STOX2: variants seen among roughly 807,000 people sequenced by gnomAD.
The protein encoded by STOX2 is storkhead-box protein 2.
Under a neutral mutation model 60.9 loss-of-function variants are expected in STOX2, and 28 were observed. The ratio of observed to expected loss-of-function variants is 0.46; its 90% CI spans 0.34 to 0.63. STOX2 has a LOEUF of 0.63. Among genes scored for constraint, STOX2 ranks in the 30% least tolerant of loss-of-function variants. The pLI is 0.01. For missense variants in STOX2, 1,024 were observed against 1,187.7 expected (o/e 0.86, Z 2.03); for synonymous variants, 472 against 463.9 (o/e 1.02, Z -0.22).
rs923559455 is a variant in STOX2 at position 183,905,765 on chromosome 4, C to T, written c.-1026C>T. On this transcript the variant is annotated 5_prime_UTR_variant, in exon 1 of 4. Coordinates refer to ENST00000308497, the MANE Select transcript of STOX2 (RefSeq NM_020225.3). Reference sequence around the variant, plus strand: ...AGGCAGCCTGGTGATTAGCATGAGACTGGGCGGCTGTCCTGCTTCCTGCCC... The same window carrying T: ...AGGCAGCCTGGTGATTAGCATGAGATTGGGCGGCTGTCCTGCTTCCTGCCC... 5.3e-5 allele frequency: 8 copies of T among 152,268 alleles called. No homozygotes were observed. Among genetic ancestry groups the T allele is most frequent in the Admixed American group, 4.6e-4 (7 of 15,294 alleles). 9.4% of individuals were successfully genotyped at this position (152,268 alleles called of 1,614,324 possible).
At position 183,805,892 on chromosome 4, in the gene STOX2, A is replaced by T. The variant is rs192266860; in HGVS notation, c.364+7837A>T. 2.2e-3 allele frequency among the ~76,000 whole-genome samples: 340 copies of T among 152,354 alleles called. 4 individuals are homozygous for T. Among genetic ancestry groups the T allele is most frequent in the Admixed American group, 0.016 (248 of 15,304 alleles). ...AAACAGCTCTTGATAGCTTGGCATC[A>T]GTCTCTCTTGATGCGGACCAGTCAG... On this transcript the variant is annotated intron_variant, in intron 1 of 2. Coordinates refer to the STOX2 transcript ENST00000513034.
intron 1 of STOX2, among the ~76,000 whole-genome samples, chr4:183,897,567 A>G (rs1370585772): frequency 6.6e-6 from 1 of 152,228 alleles, no homozygotes; most frequent in East Asian, 1.9e-4. Flanking sequence ...GAAATGAGCA[A>G]CTTTATTCTG....
At chr4:183,854,443 T>C (rs1251755321) in intron 1 of STOX2, among the ~76,000 whole-genome samples, 4 of 152,230 alleles carry the variant, frequency 2.6e-5, no homozygotes, top group Non-Finnish European at 5.9e-5. Context: ...TGTGTTTTAA[T>C]CAGGGCTTAT....
At chr4:183,981,286 A>G (rs1732650162) in intron 1 of STOX2, among the ~76,000 whole-genome samples, 1 of 152,202 alleles carries the variant, frequency 6.6e-6, no homozygotes, top group African/African-American at 2.4e-5. Context: ...TCAGGGTTCT[A>G]TTACAGAGTA....
intron 1 of STOX2, among the ~76,000 whole-genome samples, chr4:183,802,726 C>G (rs949940774): frequency 1.3e-5 from 2 of 152,158 alleles, no homozygotes; most frequent in Non-Finnish European, 2.9e-5. Context: ...CTGCCTCAGC[C>G]TCCCGAGTAG....
intron 1 of STOX2, among the ~76,000 whole-genome samples, chr4:183,943,884 AAAAG>A (rs1414254842): frequency 6.6e-6 from 1 of 152,178 alleles, no homozygotes; most frequent in African/African-American, 2.4e-5. Flanking sequence ...CTCAAAGAAA[AAAAG>A]AAAAACCCCC....
At chr4:183,805,545 C>T (rs1042310306) in intron 1 of STOX2, among the ~76,000 whole-genome samples, 2 of 152,164 alleles carry the variant, frequency 1.3e-5, no homozygotes, top group South Asian at 2.1e-4. Flanking sequence ...TGGTGGCTCA[C>T]GCCTATAATC....
intron 1 of STOX2, among the ~76,000 whole-genome samples, chr4:183,982,315 C>T (rs1324354624): frequency 6.6e-6 from 1 of 152,144 alleles, no homozygotes; most frequent in Non-Finnish European, 1.5e-5. Flanking sequence ...TGTAAGAACA[C>T]CAAGTGTATT....
chr4:183,930,519 GT>G (rs1241173031), intron 1 of STOX2, among the ~76,000 whole-genome samples: 4 of 140,938 alleles, frequency 2.8e-5, no homozygotes, highest in Admixed American at 7.1e-5. Flanking sequence ...TTTGTTTTTT[GT>G]TTTTTTTTTG....
chr4:183,908,103 GCGA>G (rs1456814067), intron 1 of STOX2, among the ~76,000 whole-genome samples: 1 of 152,172 alleles, frequency 6.6e-6, no homozygotes, highest in African/African-American at 2.4e-5. Flanking sequence ...AAAATGCCTT[GCGA>G]CCGCATTTCC....
At chr4:183,875,495 A>C (rs1740809005) in intron 1 of STOX2, among the ~76,000 whole-genome samples, 1 of 152,118 alleles carries the variant, frequency 6.6e-6, no homozygotes, top group South Asian at 2.1e-4. Flanking sequence ...GATAGTCGGG[A>C]CTGTGTTCCC....
At chr4:183,937,449 A>T (rs1275298718) in intron 1 of STOX2, among the ~76,000 whole-genome samples, 1 of 152,078 alleles carries the variant, frequency 6.6e-6, no homozygotes, top group Non-Finnish European at 1.5e-5. Context: ...CCTTTTCTTT[A>T]TTGGATGAGA....
rs1741631186 is a variant in STOX2, at chr4:183,906,853, G to A, written c.63G>A (p.Arg21=). 1 of 1,553,304 alleles carries A rather than the reference G, an allele frequency of 6.4e-7. No individual in the cohort carries two copies. The highest frequency in any genetic ancestry group is 2.5e-5 in the East Asian group (1 of 40,808). The change falls in exon 1 of 4, where the codon CGG becomes CGA. Residue 21 remains arginine, a synonymous_variant. Coordinates refer to ENST00000308497, the MANE Select transcript of STOX2 (RefSeq NM_020225.3). ...GGCCTAGCTCGGATTTCTCGGACCG[G>A]GCCTCGGACCGCATGAGGTCCCGCA... ...RAWPSSDFSD[R]ASDRMRSRSE...
In STOX2 at chr4:184,019,851, G is replaced by A. The variant is rs1272569201; in HGVS notation, c.*2567G>A. ...TGCAAATGTCATTCGAGGTCACGGT[G>A]AGGCTCTCGGTCCCGGAACAGTGGG... On this transcript the variant is annotated 3_prime_UTR_variant, in exon 4 of 4. Transcript: ENST00000308497. 1 of 152,178 alleles carries A rather than the reference G, an allele frequency of 6.6e-6. No homozygotes were observed. The highest frequency in any genetic ancestry group is 1.5e-5 in the Non-Finnish European group (1 of 68,032). 9.4% of individuals were successfully genotyped at this position (152,178 alleles called of 1,614,324 possible).
intron 1 of STOX2, among the ~76,000 whole-genome samples, chr4:183,820,363 TC>T (rs1297168806): frequency 6.6e-6 from 1 of 152,228 alleles, no homozygotes. Flanking sequence ...CCACTCCATG[TC>T]CCTTTCCTCT....
rs138745638 is a variant in STOX2 at position 183,840,053 on chromosome 4, CGT to C, written c.364+42013_364+42014del. On this transcript the variant is annotated intron_variant, in intron 1 of 2. Coordinates refer to the STOX2 transcript ENST00000513034. The stretch of plus-strand genomic sequence containing the variant: ...TTCATGGACTCTGTGTGTGTGTGCG[CGT>C]GTGTGTGTGTGTGTTGGTTGTGGGG... Among the ~76,000 whole-genome samples, 351 of 150,246 alleles carry C rather than the reference CGT, an allele frequency of 2.3e-3. 2 individuals carry two copies. Among genetic ancestry groups the C allele is most frequent in the African/African-American group, 6.0e-3 (246 of 41,046 alleles).
At chr4:183,853,274 A>T (rs1740210474) in intron 1 of STOX2, among the ~76,000 whole-genome samples, 1 of 152,168 alleles carries the variant, frequency 6.6e-6, no homozygotes, top group African/African-American at 2.4e-5. Flanking sequence ...AAGTCAGGTG[A>T]CAGTGTTTGG....
chr4:183,913,662 T>G (rs1167233456), intron 1 of STOX2, among the ~76,000 whole-genome samples: 1 of 152,104 alleles, frequency 6.6e-6, no homozygotes, highest in Non-Finnish European at 1.5e-5. Context: ...TCCCAGCTAC[T>G]CGGGAGGCTG....
chr4:183,887,593 CACA>C (rs1741113720), intron 1 of STOX2, among the ~76,000 whole-genome samples: 1 of 152,332 alleles, frequency 6.6e-6, no homozygotes, highest in Admixed American at 6.5e-5. Flanking sequence ...TTACTCTTCA[CACA>C]ACATTAGGAG....
Sources: allele counts gnomAD v4.1 joint callset (sites outside exome capture counted in the v4.1 genomes callset), GRCh38; gene constraint gnomAD v4.1.1; transcripts MANE v1.5; gene names NCBI Gene and HGNC (gene_info 2026-07-23, HGNC 2026-07-21).